Variants in NEDD4 observed in about 807,000 individuals in gnomAD.
The protein encoded by NEDD4 is E3 ubiquitin-protein ligase NEDD4.
NEDD4 carries 99 observed loss-of-function variants against 144.9 expected under a neutral mutation model. The observed-to-expected ratio is 0.68, with a 90% CI of 0.58 to 0.81. NEDD4 has a LOEUF of 0.81. Among genes scored for constraint, NEDD4 ranks in the 30% least tolerant of loss-of-function variants. The probability of loss-of-function intolerance (pLI) is 0.00; values close to 1 mark genes in which losing one functional copy is unlikely to be tolerated. For synonymous variants in NEDD4, 318 were observed against 350.6 expected (o/e 0.91, Z 1.04); for missense variants, 985 against 1,065.9 (o/e 0.92, Z 1.06).
chr15:55,972,528 C>T (rs1197678233), intron 1 of NEDD4, among the ~76,000 whole-genome samples: 2 of 152,088 alleles, frequency 1.3e-5, no homozygotes, highest in South Asian at 2.1e-4. Flanking sequence ...CTACAACAGA[C>T]ATACAATAGA....
chr15:55,958,158 G>C (rs551895245), intron 2 of NEDD4, among the ~76,000 whole-genome samples: 1 of 152,232 alleles, frequency 6.6e-6, no homozygotes, highest in South Asian at 2.1e-4. Flanking sequence ...TATTAATACA[G>C]TGTATTACAT....
At chr15:55,979,633 G>A (rs940777630) in intron 1 of NEDD4, among the ~76,000 whole-genome samples, 9 of 151,964 alleles carry the variant, frequency 5.9e-5, no homozygotes, top group Admixed American at 2.6e-4. Flanking sequence ...GATTACAGGC[G>A]TGAGCCACCG....
intron 1 of NEDD4, among the ~76,000 whole-genome samples, chr15:55,971,967 A>C (rs555525951): frequency 2.0e-5 from 3 of 152,248 alleles, no homozygotes; most frequent in Admixed American, 1.3e-4. Context: ...AGACAGTGGC[A>C]TGATTTATTT....
chr15:55,939,332 T>G (rs186235667), intron 4 of NEDD4, among the ~76,000 whole-genome samples: 71 of 152,254 alleles, frequency 4.7e-4, no homozygotes, highest in African/African-American at 1.6e-3. Context: ...CCCCCTTCAC[T>G]TTCTCTTCTG....
At chr15:55,846,073 T>C (rs918524299) in intron 18 of NEDD4, among the ~76,000 whole-genome samples, 9 of 152,062 alleles carry the variant, frequency 5.9e-5, no homozygotes, top group African/African-American at 2.2e-4. Flanking sequence ...AGGCATGAGC[T>C]ACTGCACCTG....
intron 4 of NEDD4, 123 bp downstream of exon 4, chr15:55,951,253 T>A: frequency 2.0e-6 from 1 of 505,498 alleles, no homozygotes; most frequent in Non-Finnish European, 3.4e-6. Context: ...CCTTTTGTAT[T>A]TTCACAACTT....
chr15:55,853,187 C>A (rs1320172315), intron 12 of NEDD4, among the ~76,000 whole-genome samples: 1 of 152,054 alleles, frequency 6.6e-6, no homozygotes, highest in Non-Finnish European at 1.5e-5. Context: ...GTAAATTATA[C>A]ATTTTAGTGA....
intron 4 of NEDD4, among the ~76,000 whole-genome samples, chr15:55,946,515 T>G (rs1345426999): frequency 3.9e-5 from 6 of 152,162 alleles, no homozygotes; most frequent in Non-Finnish European, 5.9e-5. Flanking sequence ...AGCAAGTCCT[T>G]AGAGACCTAC....
chr15:55,892,809 T>C (rs2035615423), intron 5 of NEDD4, among the ~76,000 whole-genome samples: 1 of 152,136 alleles, frequency 6.6e-6, no homozygotes, highest in South Asian at 2.1e-4. Flanking sequence ...CATATCAATA[T>C]ATATAGAGAT....
chr15:55,928,639 C>T (rs1421492052), intron 4 of NEDD4, among the ~76,000 whole-genome samples: 1 of 152,216 alleles, frequency 6.6e-6, no homozygotes, highest in East Asian at 1.9e-4. Context: ...CTCCACTCTA[C>T]ATGTCTACAC....
intron 13 of NEDD4, 106 bp downstream of exon 13, chr15:55,852,318 A>T (rs2034015263): frequency 8.1e-7 from 1 of 1,227,330 alleles, no homozygotes; most frequent in Non-Finnish European, 1.1e-6. Context: ...AAAAAAAAGA[A>T]GGTGGTAGAA....
At chr15:55,971,396 G>A (rs930262372) in intron 1 of NEDD4, among the ~76,000 whole-genome samples, 15 of 152,062 alleles carry the variant, frequency 9.9e-5, no homozygotes, top group African/African-American at 3.1e-4. Flanking sequence ...AGGCTGAGGC[G>A]AGTGGATCTC....
chr15:55,944,917 G>C (rs969839500), intron 4 of NEDD4, among the ~76,000 whole-genome samples: 1 of 152,142 alleles, frequency 6.6e-6, no homozygotes, highest in Non-Finnish European at 1.5e-5. Context: ...GCAGCTGAGG[G>C]AACTGAGTGT....
rs1212317278 is a variant in NEDD4, at chr15:55,986,752, G to A, written c.45+6759C>T. 2.1e-5 allele frequency among the ~76,000 whole-genome samples: 2 copies of A among 96,966 alleles called. 1 individual carries two copies. The highest frequency in any genetic ancestry group is 7.9e-4 in the South Asian group (2 of 2,540). 63.6% of individuals were successfully genotyped at this position (96,966 alleles called of 152,430 possible). A position where few individuals can be genotyped will look rare whatever the true frequency, so the allele number is the denominator to read the frequency against. ...CTACAGGCACCCACCACCACACCCG[G>A]CTAATTTTTTTTTTTTGTATTTTTA... On this transcript the variant is annotated intron_variant, in intron 1 of 28. Transcript: ENST00000435532.
rs1014446341 is a variant in NEDD4, at chr15:55,952,489, G to A, written c.120-900C>T. On this transcript the variant is annotated intron_variant, in intron 2 of 28. Coordinates refer to ENST00000435532, the MANE Select transcript of NEDD4 (RefSeq NM_006154.4). ...TTGTTAAATTTCTCCTGTTTTCCTC[G>A]GGTATCCAAAGTACTCACCATTCTC... Among the ~76,000 whole-genome samples, 12 of 152,120 alleles carry A rather than the reference G, an allele frequency of 7.9e-5. No homozygotes were observed. In the South Asian group the frequency reaches 1.0e-3, roughly 13 times the overall value.
intron 6 of NEDD4, among the ~76,000 whole-genome samples, chr15:55,873,218 C>T (rs1349487748): frequency 6.6e-6 from 1 of 152,120 alleles, no homozygotes; most frequent in African/African-American, 2.4e-5. Context: ...GTTCTTATCT[C>T]TTTCATCAGG....
At chr15:55,868,046 ACT>A (rs1256244588) in intron 8 of NEDD4, among the ~76,000 whole-genome samples, 1 of 137,742 alleles carries the variant, frequency 7.3e-6, no homozygotes, top group Non-Finnish European at 1.5e-5. Context: ...ACAGAGCAAG[ACT>A]CTGACTCCAA....
intron 2 of NEDD4, among the ~76,000 whole-genome samples, chr15:55,961,226 C>T (rs1307265858): frequency 2.0e-5 from 3 of 152,128 alleles, no homozygotes; most frequent in African/African-American, 7.2e-5. Context: ...ACACTGTAAA[C>T]ATCTATGTCC....
intron 1 of NEDD4, among the ~76,000 whole-genome samples, chr15:55,981,642 T>C (rs2037806017): frequency 6.6e-6 from 1 of 152,182 alleles, no homozygotes; most frequent in Admixed American, 6.5e-5. Context: ...AGAAGAAATA[T>C]CCAGAATCCT....
Sources: allele counts gnomAD v4.1 joint callset (sites outside exome capture counted in the v4.1 genomes callset), GRCh38; gene constraint gnomAD v4.1.1; transcripts MANE v1.5; gene names NCBI Gene and HGNC (gene_info 2026-07-23, HGNC 2026-07-21).